Variants in ABAT observed in about 807,000 individuals in gnomAD.
ABAT encodes 4-aminobutyrate aminotransferase, mitochondrial.
ABAT carries 45 observed loss-of-function variants against 64.6 expected under a neutral mutation model. The ratio of observed to expected loss-of-function variants is 0.70; its 90% CI spans 0.55 to 0.89. The LOEUF (loss-of-function observed/expected upper bound fraction) is 0.89. ABAT is among the 40% of genes least tolerant of loss of function. The probability of loss-of-function intolerance (pLI) is 0.00; values close to 1 mark genes in which losing one functional copy is unlikely to be tolerated. For missense variants in ABAT, 633 were observed against 658.4 expected (o/e 0.96, Z 0.42); for synonymous variants, 297 against 250.5 (o/e 1.19, Z -1.75).
At chr16:8,680,559 A>G (rs1370100577) in intron 1 of ABAT, among the ~76,000 whole-genome samples, 1 of 151,884 alleles carries the variant, frequency 6.6e-6, no homozygotes, top group Admixed American at 6.6e-5. Context: ...AGTAGCTGGG[A>G]TTACATGTGT....
chr16:8,757,359 G>A (rs1879555244), intron 5 of ABAT: 1 of 358,296 alleles, frequency 2.8e-6, no homozygotes, highest in South Asian at 2.2e-5. Context: ...GTAGAGACGG[G>A]GATTCACCAT....
chr16:8,739,057 A>G (rs1012114796), intron 2 of ABAT, among the ~76,000 whole-genome samples: 1 of 152,248 alleles, frequency 6.6e-6, no homozygotes, highest in Non-Finnish European at 1.5e-5. Flanking sequence ...TCAGAAAGAG[A>G]GTCTGGCACA....
chr16:8,734,045 G>A (rs1284743283), intron 1 of ABAT, among the ~76,000 whole-genome samples: 1 of 152,146 alleles, frequency 6.6e-6, no homozygotes, highest in Non-Finnish European at 1.5e-5. Flanking sequence ...GTCAATGGAC[G>A]TCTAGGTTGC....
At chr16:8,698,903 G>A (rs916293202) in intron 1 of ABAT, among the ~76,000 whole-genome samples, 2 of 152,144 alleles carry the variant, frequency 1.3e-5, no homozygotes, top group Non-Finnish European at 1.5e-5. Flanking sequence ...CCAAGATTGC[G>A]CCACTGCACT....
At chr16:8,778,313 C>T (rs558832617) in intron 14 of ABAT, among the ~76,000 whole-genome samples, 3 of 152,162 alleles carry the variant, frequency 2.0e-5, no homozygotes, top group Admixed American at 6.5e-5. Flanking sequence ...GGCTCCTTCT[C>T]GAGGCTCTGG....
chr16:8,684,685 T>C (rs1280485613), intron 1 of ABAT, among the ~76,000 whole-genome samples: 1 of 146,458 alleles, frequency 6.8e-6, no homozygotes, highest in Non-Finnish European at 1.5e-5. Flanking sequence ...ATCATGCCAC[T>C]GCACTCCAGC....
intron 1 of ABAT, among the ~76,000 whole-genome samples, chr16:8,709,263 ATG>A: frequency 6.6e-6 from 1 of 151,634 alleles, no homozygotes; most frequent in Non-Finnish European, 1.5e-5. Flanking sequence ...GCCTTTTTCC[ATG>A]TGTTCCAAAA....
rs987246131 is a variant in ABAT at position 8,781,147 on chromosome 16, G to A, written c.1382-162G>A. The A allele has an allele frequency of 6.0e-6, 6 of 991,888 alleles. No individual in the cohort carries two copies. The African/African-American group carries it at 9.5e-5, about 16-fold the overall frequency. The allele number at this position is 991,888 out of a possible 1,614,324, so 61.4% of individuals were successfully genotyped here. On this transcript the variant is annotated intron_variant, in intron 15 of 15. Coordinates refer to ENST00000268251, the MANE Select transcript of ABAT (RefSeq NM_020686.6). This position sits in a 1 kb window ranked among gnomAD's most constrained non-coding sequence, Gnocchi z 4.5. ...AGAGAAAGGAAATGAAGACTGGATG[G>A]GTGGGTGGTAGGAAGGAAGCCCGGG...
intron 2 of ABAT, among the ~76,000 whole-genome samples, chr16:8,745,315 T>C (rs1466033433): frequency 6.6e-6 from 1 of 152,070 alleles, no homozygotes; most frequent in African/African-American, 2.4e-5. Flanking sequence ...ATATGATGAA[T>C]ATTGTCTACC....
chr16:8,720,006 C>A (rs2058322958), intron 1 of ABAT, among the ~76,000 whole-genome samples: 1 of 152,114 alleles, frequency 6.6e-6, no homozygotes, highest in Non-Finnish European at 1.5e-5. Context: ...AGAGTTGGGA[C>A]TTCACCATTT....
intron 6 of ABAT, among the ~76,000 whole-genome samples, chr16:8,758,698 A>T (rs1406691950): frequency 6.6e-6 from 1 of 152,196 alleles, no homozygotes; most frequent in Non-Finnish European, 1.5e-5. Flanking sequence ...GTCTGCAGAC[A>T]TGGCCAGATG....
Position 8,745,936 on chromosome 16 carries a change from T to A in ABAT, c.71-65T>A. 2.7e-6 allele frequency: 4 copies of A among 1,502,778 alleles called. No homozygotes were observed. The South Asian group carries it at 4.5e-5, about 17-fold the overall frequency. 93.1% of individuals were successfully genotyped at this position (1,502,778 alleles called of 1,614,324 possible). A position where few individuals can be genotyped will look rare whatever the true frequency, so the allele number is the denominator to read the frequency against. The stretch of plus-strand genomic sequence containing the variant: ...CTCTGTTAGGGACATTGGGCATCTG[T>A]CAGGGCAGAATCCTCATGATCTCTG... On this transcript the variant is annotated intron_variant, in intron 2 of 15. Transcript: ENST00000268251.
chr16:8,769,691 G>C lies in ABAT; in HGVS notation c.816+718G>C, dbSNP rs192675492. Among the ~76,000 whole-genome samples the C allele has an allele frequency of 2.6e-5, 4 of 152,170 alleles. No individual in the cohort carries two copies. In the East Asian group the frequency reaches 7.7e-4, roughly 29 times the overall value. ...CTGAGTCTTGGGGCTTTGAGTTGCTGTGGGTCGGGGGATGCTATGGGAGAG... is the reference window on the plus strand; with the variant it reads ...CTGAGTCTTGGGGCTTTGAGTTGCTCTGGGTCGGGGGATGCTATGGGAGAG... On this transcript the variant is annotated intron_variant, in intron 11 of 15. Transcript: ENST00000268251.
chr16:8,676,957 G>A (rs1230024084), intron 1 of ABAT, among the ~76,000 whole-genome samples: 1 of 152,168 alleles, frequency 6.6e-6, no homozygotes, highest in Non-Finnish European at 1.5e-5. Flanking sequence ...TGAAGTAGAG[G>A]CTCTCTCTGT....
Position 8,706,237 on chromosome 16 carries a change from A to AT in ABAT, c.-41-29462_-41-29461insT, listed in dbSNP as rs1369674277. Among the ~76,000 whole-genome samples the AT allele has an allele frequency of 6.5e-4, 96 of 147,036 alleles. 1 individual carries two copies. The highest frequency in any genetic ancestry group is 1.5e-3 in the Admixed American group (22 of 14,476). On this transcript the variant is annotated intron_variant, in intron 1 of 15. Transcript: ENST00000268251. ...GATGAAACTCTGTCTCTATAAAAAA[A>AT]AATATATATATATATACAAAAAATT...
intron 1 of ABAT, among the ~76,000 whole-genome samples, chr16:8,735,328 T>C (rs571085349): frequency 6.3e-4 from 96 of 152,024 alleles, no homozygotes; most frequent in Non-Finnish European, 1.1e-3. Context: ...TATGGCTCAC[T>C]GCAGCCTCAA....
At chr16:8,759,818 A>G (rs1006483360) in intron 6 of ABAT, among the ~76,000 whole-genome samples, 3 of 152,218 alleles carry the variant, frequency 2.0e-5, no homozygotes, top group Non-Finnish European at 4.4e-5. Context: ...TCCTGGGATT[A>G]CAGGCGTGAG....
chr16:8,702,610 G>A (rs538121150), intron 1 of ABAT, among the ~76,000 whole-genome samples: 1 of 152,216 alleles, frequency 6.6e-6, no homozygotes, highest in East Asian at 1.9e-4. Context: ...AGCACCAAAC[G>A]GATGGTGCTA....
Position 8,781,416 on chromosome 16 carries a change from G to C in ABAT, c.1489G>C (p.Ala497Pro). ...LFLNIFSDIL[A>P]DFK ...CCTCAATATTTTCAGTGACATCTTA[G>C]CAGACTTCAAGTAAAGAAGCCATTT... Residue 497 changes from alanine (A) to proline (P), a missense_variant, in exon 16 of 16, where the codon GCA (alanine) becomes CCA (proline). Physicochemically the swap from Ala to Pro is conservative, Grantham distance 27. Transcript: ENST00000268251. The surrounding 1 kb of genome is among the most constrained non-coding windows in gnomAD (Gnocchi z 4.5). 1 of 1,614,172 alleles carries C rather than the reference G, an allele frequency of 6.2e-7. No homozygotes were observed. Among genetic ancestry groups the C allele is most frequent in the Non-Finnish European group, 8.5e-7 (1 of 1,180,032 alleles).
Sources: gnomAD v4.1 joint callset for allele counts (sites outside exome capture counted in the v4.1 genomes callset) on GRCh38, gnomAD v4.1.1 for gene constraint, Gnocchi (gnomAD v3.1) non-coding constraint, MANE v1.5 for transcripts, NCBI Gene and HGNC (gene_info 2026-07-23, HGNC 2026-07-21) for gene names.